The following APBA1 variants were observed in gnomAD, a reference collection of about 807,000 sequenced individuals.
The protein encoded by APBA1 is amyloid beta precursor protein binding family A member 1.
A neutral mutation model predicts 86.6 loss-of-function variants in APBA1; 55 were observed. The ratio of observed to expected loss-of-function variants is 0.64; its 90% CI spans 0.51 to 0.80. The LOEUF is 0.80. Ranked by LOEUF, APBA1 falls within the 30% of genes least tolerant of loss-of-function variation. The pLI, the probability that APBA1 is intolerant of heterozygous loss-of-function variation, is 0.00. For synonymous variants in APBA1, 511 were observed against 493.9 expected, an observed-to-expected ratio of 1.03 and a Z score of -0.46; for missense variants, 1,090 against 1,183.0, an observed-to-expected ratio of 0.92 and a Z score of 1.15.
At chr9:69,628,822 C>T (rs962912853) in intron 1 of APBA1, among the ~76,000 whole-genome samples, 1 of 152,042 alleles carries the variant, frequency 6.6e-6, no homozygotes, top group African/African-American at 2.4e-5. Flanking sequence ...CATGTTTTTG[C>T]AAATAAGTTT....
chr9:69,630,452 C>G (rs1823019853), intron 1 of APBA1, among the ~76,000 whole-genome samples: 1 of 152,160 alleles, frequency 6.6e-6, no homozygotes, highest in Non-Finnish European at 1.5e-5. Flanking sequence ...AACCATTCCA[C>G]CCTCCTGGTC....
At chr9:69,540,212 A>G (rs190076225) in intron 1 of APBA1, among the ~76,000 whole-genome samples, 3 of 152,174 alleles carry the variant, frequency 2.0e-5, no homozygotes, top group Admixed American at 2.0e-4. Context: ...AGTAATCTCC[A>G]TCACTATCTG....
intron 10 of APBA1, among the ~76,000 whole-genome samples, chr9:69,443,914 C>G (rs955718246): frequency 6.6e-6 from 1 of 152,154 alleles, no homozygotes; most frequent in African/African-American, 2.4e-5. Context: ...CAAATTCCAG[C>G]CTTGAATTGG....
At chr9:69,600,369 G>A (rs896272044) in intron 1 of APBA1, among the ~76,000 whole-genome samples, 15 of 152,166 alleles carry the variant, frequency 9.9e-5, no homozygotes, top group African/African-American at 3.6e-4. Flanking sequence ...TGTAAAATGG[G>A]AGTGGTATGG....
chr9:69,566,777 G>A (rs1175193235), intron 1 of APBA1, among the ~76,000 whole-genome samples: 1 of 152,076 alleles, frequency 6.6e-6, no homozygotes, highest in Non-Finnish European at 1.5e-5. Flanking sequence ...CCAGCTACAT[G>A]CAGGCCTTTC....
chr9:69,466,239 C>T (rs1020350578), intron 5 of APBA1, among the ~76,000 whole-genome samples: 2 of 152,052 alleles, frequency 1.3e-5, no homozygotes, highest in African/African-American at 2.4e-5. Context: ...ATGAGAGGGA[C>T]GTGGGGCCAT....
chr9:69,595,369 A>C (rs1181822677), intron 1 of APBA1, among the ~76,000 whole-genome samples: 1 of 152,202 alleles, frequency 6.6e-6, no homozygotes, highest in African/African-American at 2.4e-5. Context: ...CCTAGTTCCC[A>C]ATGTGTGCCT....
intron 11 of APBA1, among the ~76,000 whole-genome samples, chr9:69,439,095 T>C (rs1211539604): frequency 3.2e-5 from 2 of 62,084 alleles, no homozygotes; most frequent in East Asian, 6.6e-4. Flanking sequence ...TTTAAGAATG[T>C]TGAATATTGG....
chr9:69,440,700 G>T (rs1249733001), intron 11 of APBA1, among the ~76,000 whole-genome samples: 1 of 152,164 alleles, frequency 6.6e-6, no homozygotes, highest in Non-Finnish European at 1.5e-5. Flanking sequence ...CTTTGACTAG[G>T]AAAGGGAATT....
chr9:69,494,760 T>C (rs1235650937), intron 2 of APBA1, among the ~76,000 whole-genome samples: 2 of 152,154 alleles, frequency 1.3e-5, no homozygotes, highest in Non-Finnish European at 2.9e-5. Context: ...TTTTAATTCC[T>C]ATTAAGAGAT....
chr9:69,599,428 T>C (rs112276725), intron 1 of APBA1, among the ~76,000 whole-genome samples: 307 of 152,334 alleles, frequency 2.0e-3, no homozygotes, highest in Non-Finnish European at 2.9e-3. Context: ...GTTCCCACAA[T>C]GTTCTAGGTG....
intron 1 of APBA1, among the ~76,000 whole-genome samples, chr9:69,600,026 C>G (rs1384490843): frequency 2.0e-5 from 3 of 152,166 alleles, no homozygotes; most frequent in Non-Finnish European, 4.4e-5. Context: ...CCAAAGCTGC[C>G]CACACTAACT....
intron 2 of APBA1, among the ~76,000 whole-genome samples, chr9:69,486,672 A>G (rs1835614541): frequency 1.3e-5 from 2 of 151,950 alleles, no homozygotes; most frequent in African/African-American, 4.8e-5. Flanking sequence ...AGTATGGGAC[A>G]GGAAAGCAGA....
chr9:69,487,794 C>T (rs959398337), intron 2 of APBA1, among the ~76,000 whole-genome samples: 5 of 152,014 alleles, frequency 3.3e-5, no homozygotes, highest in African/African-American at 9.7e-5. Flanking sequence ...TCCCAGCCTC[C>T]AGAATTAAAA....
At chr9:69,645,616 G>T (rs996082177) in intron 1 of APBA1, among the ~76,000 whole-genome samples, 1 of 152,190 alleles carries the variant, frequency 6.6e-6, no homozygotes, top group African/African-American at 2.4e-5. Context: ...GCACGGAGGC[G>T]GACTGGGAGC....
chr9:69,487,811 A>C (rs985990469), intron 2 of APBA1, among the ~76,000 whole-genome samples: 2 of 152,078 alleles, frequency 1.3e-5, no homozygotes, highest in Admixed American at 1.3e-4. Flanking sequence ...AAAAGAAAAC[A>C]GACTAAGACA....
intron 1 of APBA1, among the ~76,000 whole-genome samples, chr9:69,574,202 A>T (rs1203848248): frequency 6.6e-6 from 1 of 152,210 alleles, no homozygotes; most frequent in Non-Finnish European, 1.5e-5. Context: ...CTGGCCTTGC[A>T]TAGGAATCAC....
chr9:69,498,031 C>T (rs1165490772), intron 2 of APBA1, among the ~76,000 whole-genome samples: 4 of 152,084 alleles, frequency 2.6e-5, no homozygotes, highest in South Asian at 4.1e-4. Flanking sequence ...CAATCATCTC[C>T]ACCTCCTGGT....
intron 1 of APBA1, among the ~76,000 whole-genome samples, chr9:69,650,082 C>A (rs1488978032): frequency 6.6e-6 from 1 of 152,162 alleles, no homozygotes; most frequent in Non-Finnish European, 1.5e-5. Context: ...GAGTTACAGG[C>A]AGTGTGGTAT....
Sources: gnomAD v4.1 joint callset for allele counts (sites outside exome capture counted in the v4.1 genomes callset) on GRCh38, gnomAD v4.1.1 for gene constraint, MANE v1.5 for transcripts, NCBI Gene and HGNC (gene_info 2026-07-23, HGNC 2026-07-21) for gene names.